The following PRKAR1B variants were observed in gnomAD, a reference collection of about 807,000 sequenced individuals.
PRKAR1B encodes the protein cAMP-dependent protein kinase type I-beta regulatory subunit.
A neutral mutation model predicts 46.5 loss-of-function variants in PRKAR1B; 22 were observed. That is an observed-to-expected ratio of 0.47 (90% confidence interval 0.34 to 0.68). PRKAR1B has a LOEUF of 0.68. Ranked by LOEUF, PRKAR1B falls within the 30% of genes least tolerant of loss-of-function variation. PRKAR1B has a pLI of 0.01. For missense variants in PRKAR1B, 445 were observed against 535.6 expected (o/e 0.83, Z 1.67); for synonymous variants, 259 against 217.7 (o/e 1.19, Z -1.67).
At chr7:613,062 G>A (rs1782617165) in intron 4 of PRKAR1B, among the ~76,000 whole-genome samples, 2 of 151,952 alleles carry the variant, frequency 1.3e-5, no homozygotes, top group Admixed American at 1.3e-4. Flanking sequence ...ATGTAACAAG[G>A]AATAAAGGTG....
At chr7:555,701 A>G (rs1405831614) in intron 9 of PRKAR1B, among the ~76,000 whole-genome samples, 4 of 152,142 alleles carry the variant, frequency 2.6e-5, no homozygotes, top group Non-Finnish European at 5.9e-5. Context: ...TCCACTTCGC[A>G]GATGGAAGCC....
At chr7:728,108 AC>A (rs1218999224), upstream of PRKAR1B, among the ~76,000 whole-genome samples, 1 of 151,936 alleles carries the variant, frequency 6.6e-6, no homozygotes, top group Non-Finnish European at 1.5e-5. Flanking sequence ...CCACTTTATA[AC>A]GTTCCCCATC....
intron 4 of PRKAR1B, among the ~76,000 whole-genome samples, chr7:633,144 C>G (rs966356901): frequency 2.6e-5 from 4 of 152,338 alleles, no homozygotes; most frequent in South Asian, 4.1e-4. Context: ...AAATCCTCCC[C>G]CAGATATCGC....
chr7:669,552 T>G (rs917954192), intron 4 of PRKAR1B, among the ~76,000 whole-genome samples: 3 of 151,864 alleles, frequency 2.0e-5, no homozygotes, highest in Non-Finnish European at 4.4e-5. Flanking sequence ...TCACCTGAGG[T>G]CAGGAGTTCA....
intron 4 of PRKAR1B, among the ~76,000 whole-genome samples, chr7:636,000 CCGGCCGCGCCCT>C (rs1364954006): frequency 1.1e-5 from 1 of 89,268 alleles, no homozygotes; most frequent in African/African-American, 4.2e-5. Context: ...ACGTCCTCCA[CCGGCCGCGCCCT>C]CACGTCCTCC....
chr7:673,401 G>A (rs777109563), intron 4 of PRKAR1B, among the ~76,000 whole-genome samples: 1 of 152,104 alleles, frequency 6.6e-6, no homozygotes, highest in South Asian at 2.1e-4. Context: ...TGTAATCCCA[G>A]CACTTTGGGA....
chr7:626,127 C>G (rs952596560), intron 4 of PRKAR1B, among the ~76,000 whole-genome samples: 7 of 151,980 alleles, frequency 4.6e-5, no homozygotes, highest in African/African-American at 7.3e-5. Flanking sequence ...CAAGAAGCAA[C>G]AGATAATCTG....
intron 9 of PRKAR1B, 22 bp downstream of exon 9, chr7:579,234 C>A: frequency 6.2e-7 from 1 of 1,613,952 alleles, no homozygotes; most frequent in Non-Finnish European, 8.5e-7. Context: ...CCCAGAGCGC[C>A]CACGTGGGAA....
At chr7:617,254 A>G (rs1479730720) in intron 4 of PRKAR1B, among the ~76,000 whole-genome samples, 1 of 150,428 alleles carries the variant, frequency 6.6e-6, no homozygotes, top group East Asian at 2.0e-4. Flanking sequence ...TGGCCTCCCA[A>G]AGTGCTGGGA....
At chr7:683,685 C>T (rs962243029) in intron 2 of PRKAR1B, among the ~76,000 whole-genome samples, 12 of 152,208 alleles carry the variant, frequency 7.9e-5, no homozygotes, top group Admixed American at 5.2e-4. Flanking sequence ...CATGGAGCAG[C>T]GGGATGCAGT....
At chr7:697,538 C>T (rs1317282988) in intron 2 of PRKAR1B, among the ~76,000 whole-genome samples, 1 of 152,126 alleles carries the variant, frequency 6.6e-6, no homozygotes, top group Non-Finnish European at 1.5e-5. Flanking sequence ...CCACCTCCTC[C>T]GAGCAGTTCC....
intron 1 of PRKAR1B, chr7:726,813 G>C (rs1286744069): frequency 3.0e-6 from 4 of 1,323,824 alleles, no homozygotes; most frequent in Non-Finnish European, 3.8e-6. Context: ...GCCGCGCCCT[G>C]AGCCGCCTGC....
chr7:626,339 A>T lies in PRKAR1B; in HGVS notation c.441-18887T>A, dbSNP rs562096277. 9.5e-4 allele frequency among the ~76,000 whole-genome samples: 145 copies of T among 152,234 alleles called. 1 individual carries two copies. In the East Asian group the frequency reaches 0.012, roughly 12 times the overall value. ...ATACCTCATCTCTACTAAAAATTTT[A>T]AAAAAATTAATCAGGCCTGGTGGTG... is the stretch of plus-strand genomic sequence containing the variant. On this transcript the variant is annotated intron_variant, in intron 4 of 10. Coordinates refer to ENST00000537384, the MANE Select transcript of PRKAR1B (RefSeq NM_001164760.2).
At chr7:709,941 C>G (rs1394232642) in intron 2 of PRKAR1B, among the ~76,000 whole-genome samples, 2 of 152,188 alleles carry the variant, frequency 1.3e-5, no homozygotes, top group African/African-American at 4.8e-5. Context: ...CGTATCTGGC[C>G]TACAACTACG....
intron 4 of PRKAR1B, among the ~76,000 whole-genome samples, chr7:646,251 C>T (rs192253306): frequency 1.3e-5 from 2 of 152,316 alleles, no homozygotes; most frequent in Admixed American, 1.3e-4. Flanking sequence ...CCTATGTTCC[C>T]CAGGCTGGTC....
intron 4 of PRKAR1B, among the ~76,000 whole-genome samples, chr7:655,684 G>A (rs182124436): frequency 1.3e-5 from 2 of 152,258 alleles, no homozygotes; most frequent in Non-Finnish European, 2.9e-5. Flanking sequence ...GCAGCCCCTC[G>A]GGCAGGGCCT....
intron 2 of PRKAR1B, among the ~76,000 whole-genome samples, chr7:710,437 C>T (rs1411418682): frequency 2.6e-5 from 4 of 152,092 alleles, no homozygotes; most frequent in South Asian, 4.1e-4. Flanking sequence ...TTCCCAGGCA[C>T]GCACGTCTAC....
At chr7:616,273 A>G (rs932849188) in intron 4 of PRKAR1B, among the ~76,000 whole-genome samples, 1 of 152,222 alleles carries the variant, frequency 6.6e-6, no homozygotes, top group African/African-American at 2.4e-5. Flanking sequence ...ACAGACTCGC[A>G]GGGCCTGGAG....
chr7:627,583 C>T (rs1783479374), intron 4 of PRKAR1B, among the ~76,000 whole-genome samples: 1 of 152,216 alleles, frequency 6.6e-6, no homozygotes, highest in Admixed American at 6.5e-5. Context: ...ACTGCAAGGC[C>T]AAATATCACA....
Sources: allele counts gnomAD v4.1 joint callset (sites outside exome capture counted in the v4.1 genomes callset), GRCh38; gene constraint gnomAD v4.1.1; transcripts MANE v1.5; gene names NCBI Gene and HGNC (gene_info 2026-07-23, HGNC 2026-07-21).